Variants in PLSCR4 observed in about 807,000 individuals in gnomAD.
PLSCR4 encodes Ca(2+)-dependent phospholipid scramblase 4.
Under a neutral mutation model 36.3 loss-of-function variants are expected in PLSCR4, and 25 were observed. That is an observed-to-expected ratio of 0.69 (90% CI 0.50 to 0.96). The LOEUF is 0.96. PLSCR4 is among the 40% of genes least tolerant of loss of function. PLSCR4 has a pLI of 0.00. For missense variants in PLSCR4, 408 were observed against 414.7 expected, an observed-to-expected ratio of 0.98 and a Z score of 0.14; for synonymous variants, 122 against 132.9, an observed-to-expected ratio of 0.92 and a Z score of 0.56.
intron 1 of PLSCR4, among the ~76,000 whole-genome samples, chr3:146,248,908 A>G (rs373995265): frequency 7.2e-5 from 11 of 152,288 alleles, no homozygotes; most frequent in African/African-American, 2.6e-4. Context: ...CAGACTTTCA[A>G]AATTTGTAAA....
chr3:146,210,853 T>A (rs1030921156), intron 3 of PLSCR4, among the ~76,000 whole-genome samples: 1 of 152,052 alleles, frequency 6.6e-6, no homozygotes, highest in African/African-American at 2.4e-5. Flanking sequence ...GTCTGTTTTT[T>A]TTTTTACACT....
intron 1 of PLSCR4, among the ~76,000 whole-genome samples, chr3:146,231,260 G>T (rs1467225476): frequency 6.6e-6 from 1 of 152,100 alleles, no homozygotes; most frequent in African/African-American, 2.4e-5. Context: ...TCTTTATCCA[G>T]TACATCACTG....
At chr3:146,235,683 AAAG>A (rs1415885075) in intron 1 of PLSCR4, among the ~76,000 whole-genome samples, 24 of 152,304 alleles carry the variant, frequency 1.6e-4, no homozygotes, top group South Asian at 1.2e-3. Flanking sequence ...GCTCAGAAGA[AAAG>A]AAGAAGATGA....
chr3:146,211,951 GT>G (rs1444740419), intron 3 of PLSCR4, among the ~76,000 whole-genome samples: 1 of 151,900 alleles, frequency 6.6e-6, no homozygotes, highest in Non-Finnish European at 1.5e-5. Flanking sequence ...ATTGACTTCT[GT>G]AGCTTTATAG....
chr3:146,229,955 G>GT (rs1285235586), intron 1 of PLSCR4, among the ~76,000 whole-genome samples: 1 of 152,244 alleles, frequency 6.6e-6, no homozygotes, highest in South Asian at 2.1e-4. Context: ...AATGTTAATT[G>GT]TAAGTAGAGC....
intron 1 of PLSCR4, among the ~76,000 whole-genome samples, chr3:146,247,919 A>G (rs373046530): frequency 1.3e-5 from 2 of 152,230 alleles, no homozygotes; most frequent in South Asian, 4.1e-4. Flanking sequence ...ACCGCCACCC[A>G]GCCTTACCAT....
chr3:146,224,949 G>A (rs1317889656), intron 1 of PLSCR4, among the ~76,000 whole-genome samples: 1 of 151,442 alleles, frequency 6.6e-6, no homozygotes, highest in Non-Finnish European at 1.5e-5. Context: ...CCCCACCAGA[G>A]CAGCTAGATA....
At chr3:146,225,037 A>G (rs2035385708) in intron 1 of PLSCR4, among the ~76,000 whole-genome samples, 1 of 151,214 alleles carries the variant, frequency 6.6e-6, no homozygotes, top group South Asian at 2.1e-4. Flanking sequence ...ACCTTGAGCT[A>G]AATACAGAGT....
At chr3:146,214,690 C>T (rs1439893479) in intron 3 of PLSCR4, among the ~76,000 whole-genome samples, 1 of 151,922 alleles carries the variant, frequency 6.6e-6, no homozygotes, top group Non-Finnish European at 1.5e-5. Context: ...CTGTAGAATG[C>T]CATATGTTTC....
rs1296378476 is a variant in PLSCR4 at position 146,194,293 on chromosome 3, T to C, written c.*118A>G. Reference sequence around the variant, plus strand: ...CTCAGCTGTCAAAGTTAACACCCAATAAAAATACTCTACAAAGCAAAGAAA... The same window carrying C: ...CTCAGCTGTCAAAGTTAACACCCAACAAAAATACTCTACAAAGCAAAGAAA... On this transcript the variant is annotated 3_prime_UTR_variant, in exon 9 of 9. Transcript: ENST00000354952. 11 of 734,530 alleles carry C rather than the reference T, an allele frequency of 1.5e-5. No homozygotes were observed. The highest frequency in any genetic ancestry group is 2.6e-5 in the Non-Finnish European group (11 of 416,910). The allele number at this position is 734,530 out of a possible 1,614,324, so 45.5% of individuals were successfully genotyped here.
chr3:146,235,902 C>A (rs948689496), intron 1 of PLSCR4, among the ~76,000 whole-genome samples: 1 of 152,092 alleles, frequency 6.6e-6, no homozygotes, highest in African/African-American at 2.4e-5. Flanking sequence ...AGACTTTGAA[C>A]TCGGGAATGA....
chr3:146,223,199 G>A (rs1250336232), intron 1 of PLSCR4, among the ~76,000 whole-genome samples: 3 of 152,138 alleles, frequency 2.0e-5, no homozygotes, highest in East Asian at 1.9e-4. Flanking sequence ...AAGTTGAGAC[G>A]AGATTTGAAA....
intron 1 of PLSCR4, among the ~76,000 whole-genome samples, chr3:146,232,691 G>C (rs116303456): frequency 0.017 from 2,560 of 152,190 alleles, 78 homozygotes; most frequent in African/African-American, 0.058. Flanking sequence ...CACTGATTTT[G>C]TATCCTGAAA....
At chr3:146,221,841 C>T (rs1247104832) in intron 2 of PLSCR4, among the ~76,000 whole-genome samples, 1 of 151,892 alleles carries the variant, frequency 6.6e-6, no homozygotes, top group African/African-American at 2.4e-5. Flanking sequence ...GATATGTGTC[C>T]CACTGTAAGT....
At chr3:146,212,045 T>C (rs1037940652) in intron 3 of PLSCR4, among the ~76,000 whole-genome samples, 4 of 152,126 alleles carry the variant, frequency 2.6e-5, no homozygotes, top group South Asian at 2.1e-4. Context: ...CATTTCCATA[T>C]GTATTTGAGG....
At chr3:146,211,434 T>C (rs190065265) in intron 3 of PLSCR4, among the ~76,000 whole-genome samples, 1 of 152,280 alleles carries the variant, frequency 6.6e-6, no homozygotes, top group African/African-American at 2.4e-5. Context: ...AAATGTTCTT[T>C]ATATATTCAA....
Position 146,196,352 on chromosome 3 carries a change from G to T in PLSCR4, c.786+280C>A, listed in dbSNP as rs1692973307. The T allele has an allele frequency of 8.8e-6, 3 of 339,746 alleles. No homozygotes were observed. In the South Asian group the frequency reaches 1.2e-4, roughly 14 times the overall value. The allele number at this position is 339,746 out of a possible 1,614,324, so 21.0% of individuals were successfully genotyped here. A position where few individuals can be genotyped will look rare whatever the true frequency, so the allele number is the denominator to read the frequency against. On this transcript the variant is annotated intron_variant, in intron 7 of 8. Transcript: ENST00000354952. ...ACATATAGCCAACAATAGAATAGAT[G>T]AATTAGGTCAAGCTATTTACTCTCA...
chr3:146,233,733 C>T (rs962728511), intron 1 of PLSCR4, among the ~76,000 whole-genome samples: 5 of 152,024 alleles, frequency 3.3e-5, no homozygotes, highest in Non-Finnish European at 7.4e-5. Context: ...AAGGTTATAG[C>T]TCTATAACCT....
At chr3:146,202,667 G>C (rs1462254564) in intron 4 of PLSCR4, among the ~76,000 whole-genome samples, 2 of 152,002 alleles carry the variant, frequency 1.3e-5, no homozygotes, top group African/African-American at 4.8e-5. Context: ...AGATTTCCTT[G>C]TAGCACATGA....
Sources: gnomAD v4.1 joint callset for allele counts (sites outside exome capture counted in the v4.1 genomes callset) on GRCh38, gnomAD v4.1.1 for gene constraint, MANE v1.5 for transcripts, NCBI Gene and HGNC (gene_info 2026-07-23, HGNC 2026-07-21) for gene names.